The following SRGAP2 variants were observed in gnomAD, a reference collection of about 807,000 sequenced individuals.
The protein encoded by SRGAP2 is SLIT-ROBO Rho GTPase activating protein 2.
SRGAP2 carries 15 observed loss-of-function variants against 57.2 expected under a neutral mutation model. The observed-to-expected ratio is 0.26, with a 90% CI of 0.18 to 0.40. The LOEUF (loss-of-function observed/expected upper bound fraction) is 0.40. SRGAP2 is among the 10% of genes least tolerant of loss of function. SRGAP2 has a pLI of 1.00. For missense variants in SRGAP2, 520 were observed against 669.6 expected (o/e 0.78, Z 2.47); for synonymous variants, 249 against 248.0 (o/e 1.00, Z -0.04).
At chr1:206,342,398 G>A (rs1675268941) in intron 3 of SRGAP2, among the ~76,000 whole-genome samples, 1 of 151,652 alleles carries the variant, frequency 6.6e-6, no homozygotes, top group South Asian at 2.1e-4. Context: ...CAGAACTGTT[G>A]TTCTAGTCCC....
chr1:206,402,598 C>T (rs564700719), intron 8 of SRGAP2, among the ~76,000 whole-genome samples: 3 of 152,194 alleles, frequency 2.0e-5, no homozygotes, highest in Non-Finnish European at 4.4e-5. Flanking sequence ...TACCAAGATA[C>T]TGTTTTGCTG....
intron 17 of SRGAP2, among the ~76,000 whole-genome samples, chr1:206,440,737 G>A (rs1349601795): frequency 1.3e-5 from 2 of 152,136 alleles, no homozygotes; most frequent in East Asian, 1.9e-4. Context: ...AGTAGACATG[G>A]GGTTTCACCA....
intron 2 of SRGAP2, among the ~76,000 whole-genome samples, chr1:206,301,198 A>ATT (rs1315068552): frequency 6.7e-6 from 1 of 148,720 alleles, no homozygotes; most frequent in African/African-American, 2.5e-5. Flanking sequence ...TGCCTGGCTA[A>ATT]TTTTTTTTTT....
intron 2 of SRGAP2, among the ~76,000 whole-genome samples, chr1:206,231,429 G>A (rs1178781034): frequency 4.0e-5 from 6 of 151,520 alleles, no homozygotes; most frequent in Non-Finnish European, 8.8e-5. Flanking sequence ...TCTGGGGGAA[G>A]TAAGCAGGTA....
At chr1:206,370,457 A>T (rs1195414577) in intron 4 of SRGAP2, among the ~76,000 whole-genome samples, 1 of 152,220 alleles carries the variant, frequency 6.6e-6, no homozygotes, top group African/African-American at 2.4e-5. Flanking sequence ...TACAATATGG[A>T]TATACCCTGA....
intron 3 of SRGAP2, among the ~76,000 whole-genome samples, chr1:206,313,691 C>G (rs79718774): frequency 1.3e-5 from 2 of 152,122 alleles, no homozygotes; most frequent in Non-Finnish European, 2.9e-5. Flanking sequence ...TAGGTATGAA[C>G]TCTGATTAAG....
In SRGAP2 at chr1:206,203,827, A is replaced by G. The variant is rs547520569; in HGVS notation, c.-543+177A>G. The G allele has an allele frequency of 3.6e-4, 547 of 1,526,262 alleles. 2 individuals are homozygous for G. The African/African-American group carries it at 6.8e-3, about 19-fold the overall frequency. The allele number at this position is 1,526,262 out of a possible 1,614,324, so 94.5% of individuals were successfully genotyped here. A position where few individuals can be genotyped will look rare whatever the true frequency, so the allele number is the denominator to read the frequency against. On this transcript the variant is annotated intron_variant, in intron 1 of 22. Transcript: ENST00000573034. ...CCCCTCCACCCTCTCCAAATCTCCC[A>G]GTACAGCCCATAATACTTCTCAGGA...
intron 3 of SRGAP2, among the ~76,000 whole-genome samples, chr1:206,327,199 T>C (rs1243254835): frequency 6.6e-6 from 1 of 151,992 alleles, no homozygotes; most frequent in African/African-American, 2.4e-5. Flanking sequence ...TGGTGGCACA[T>C]GCCTGTAATC....
intron 3 of SRGAP2, among the ~76,000 whole-genome samples, chr1:206,314,100 T>C (rs1672878783): frequency 7.6e-6 from 1 of 131,364 alleles, no homozygotes; most frequent in Non-Finnish European, 1.6e-5. Flanking sequence ...TTTTTTGTTT[T>C]TTTTGTTTTT....
intron 15 of SRGAP2, 111 bp downstream of exon 15, chr1:206,437,153 G>A: frequency 4.1e-6 from 3 of 736,524 alleles, no homozygotes; most frequent in Non-Finnish European, 7.6e-6. Flanking sequence ...CAACTTCCCT[G>A]TCTCTTCAGG....
chr1:206,423,352 T>C (rs1311765621), intron 13 of SRGAP2, among the ~76,000 whole-genome samples: 2 of 152,220 alleles, frequency 1.3e-5, no homozygotes, highest in Non-Finnish European at 2.9e-5. Flanking sequence ...CTTAGATGAA[T>C]CTTTCTCTTC....
intron 3 of SRGAP2, among the ~76,000 whole-genome samples, chr1:206,303,867 CTG>C (rs1672015845): frequency 8.6e-6 from 1 of 116,958 alleles, no homozygotes; most frequent in Non-Finnish European, 1.6e-5. Context: ...ATCTTAATCT[CTG>C]TCTCTCTCTC....
chr1:206,399,096 T>G (rs1553354637), intron 7 of SRGAP2, among the ~76,000 whole-genome samples: 1 of 152,218 alleles, frequency 6.6e-6, no homozygotes, highest in African/African-American at 2.4e-5. Flanking sequence ...AGTAGCTTGC[T>G]TATGGCCATA....
intron 3 of SRGAP2, among the ~76,000 whole-genome samples, chr1:206,341,300 A>G (rs77191444): frequency 6.6e-6 from 1 of 152,088 alleles, no homozygotes; most frequent in Non-Finnish European, 1.5e-5. Flanking sequence ...TGACTGGAGC[A>G]GGGAAGAGAG....
intron 3 of SRGAP2, among the ~76,000 whole-genome samples, chr1:206,327,124 C>T (rs71244793): frequency 2.0e-5 from 3 of 152,166 alleles, no homozygotes; most frequent in East Asian, 1.9e-4. Context: ...GTCAGGAGTT[C>T]GAGACCAGCC....
chr1:206,449,426 G>C (rs543280716), intron 18 of SRGAP2, among the ~76,000 whole-genome samples: 8 of 148,088 alleles, frequency 5.4e-5, no homozygotes, highest in African/African-American at 2.0e-4. Flanking sequence ...AGAGTAGCTA[G>C]AACCACAGCA....
intron 6 of SRGAP2, 71 bp from the exon 7 acceptor site, chr1:206,393,474 C>T (rs1366803767): frequency 1.1e-5 from 8 of 698,540 alleles, no homozygotes; most frequent in Middle Eastern, 3.0e-4. Flanking sequence ...ATACACTGTA[C>T]TTTTATCTTT....
intron 4 of SRGAP2, among the ~76,000 whole-genome samples, chr1:206,383,293 G>T (rs142827376): frequency 1.3e-5 from 2 of 151,258 alleles, no homozygotes; most frequent in Non-Finnish European, 2.9e-5. Flanking sequence ...TCAAAGTGCC[G>T]GGATTACAGG....
intron 13 of SRGAP2, among the ~76,000 whole-genome samples, chr1:206,424,471 A>G (rs1553365602): frequency 6.6e-6 from 1 of 152,188 alleles, no homozygotes; most frequent in Non-Finnish European, 1.5e-5. Context: ...CCTGGCCAAC[A>G]TGGTAAAACC....
Sources: gnomAD v4.1 joint callset for allele counts (sites outside exome capture counted in the v4.1 genomes callset) on GRCh38, gnomAD v4.1.1 for gene constraint, MANE v1.5 for transcripts, NCBI Gene and HGNC (gene_info 2026-07-23, HGNC 2026-07-21) for gene names.